Variants in CNTN3 observed in about 807,000 individuals in gnomAD.
The protein encoded by CNTN3 is contactin-3.
Under a neutral mutation model 119.1 loss-of-function variants are expected in CNTN3, and 60 were observed. The ratio of observed to expected loss-of-function variants is 0.50; its 90% CI spans 0.41 to 0.62. The LOEUF (loss-of-function observed/expected upper bound fraction) is 0.62. Among genes scored for constraint, CNTN3 ranks in the 20% least tolerant of loss-of-function variants. The pLI, the probability that CNTN3 is intolerant of heterozygous loss-of-function variation, is 0.00. For synonymous variants in CNTN3, 450 were observed against 438.7 expected, an observed-to-expected ratio of 1.03 and a Z score of -0.32; for missense variants, 1,101 against 1,242.4, an observed-to-expected ratio of 0.89 and a Z score of 1.71.
intron 13 of CNTN3, among the ~76,000 whole-genome samples, chr3:74,329,267 T>C (rs192328910): frequency 2.0e-5 from 3 of 152,282 alleles, no homozygotes; most frequent in East Asian, 1.9e-4. Context: ...ATAAATCATA[T>C]TGAAGTGAGC....
At chr3:74,293,400 A>G (rs1702274318) in intron 19 of CNTN3, among the ~76,000 whole-genome samples, 1 of 152,232 alleles carries the variant, frequency 6.6e-6, no homozygotes, top group Admixed American at 6.5e-5. Flanking sequence ...AAAGAAGGGC[A>G]AGGTTACATT....
At chr3:74,520,491 C>T (rs1229404251) in intron 2 of CNTN3, among the ~76,000 whole-genome samples, 1 of 151,220 alleles carries the variant, frequency 6.6e-6, no homozygotes, top group African/African-American at 2.4e-5. Flanking sequence ...ATAAAATTAA[C>T]AAAAGAAAAT....
chr3:74,603,282 G>T (rs1704940734), intron 1 of CNTN3, among the ~76,000 whole-genome samples: 1 of 152,168 alleles, frequency 6.6e-6, no homozygotes, highest in Non-Finnish European at 1.5e-5. Flanking sequence ...TCCCAGTGGG[G>T]AGTGAAGATG....
At chr3:74,498,132 A>T (rs186244310) in intron 3 of CNTN3, among the ~76,000 whole-genome samples, 31 of 151,976 alleles carry the variant, frequency 2.0e-4, no homozygotes, top group Admixed American at 1.6e-3. Flanking sequence ...CAACAGAAAA[A>T]CAGCCCACAC....
At chr3:74,391,711 C>T (rs552610815) in intron 5 of CNTN3, among the ~76,000 whole-genome samples, 4 of 151,944 alleles carry the variant, frequency 2.6e-5, no homozygotes, top group South Asian at 2.1e-4. Flanking sequence ...GGACTACATT[C>T]GTGTGCCACC....
chr3:74,567,156 T>C (rs1704238985), intron 1 of CNTN3, among the ~76,000 whole-genome samples: 1 of 151,908 alleles, frequency 6.6e-6, no homozygotes, highest in African/African-American at 2.4e-5. Flanking sequence ...TTTTTTAATT[T>C]ATTTGAGACA....
intron 11 of CNTN3, among the ~76,000 whole-genome samples, chr3:74,352,293 C>T (rs1703833418): frequency 6.6e-6 from 1 of 152,310 alleles, no homozygotes; most frequent in South Asian, 2.1e-4. Context: ...CATGGAGCTG[C>T]TCTCCTGCTT....
chr3:74,439,298 G>T (rs1701922003), intron 4 of CNTN3, among the ~76,000 whole-genome samples: 1 of 152,246 alleles, frequency 6.6e-6, no homozygotes, highest in South Asian at 2.1e-4. Flanking sequence ...CTTGAGGCCA[G>T]GAGTTCGAGA....
intron 1 of CNTN3, among the ~76,000 whole-genome samples, chr3:74,523,640 A>G (rs527267706): frequency 6.6e-6 from 1 of 152,028 alleles, no homozygotes; most frequent in African/African-American, 2.4e-5. Flanking sequence ...GTAGTTGGGA[A>G]TTTCAGGAAA....
intron 3 of CNTN3, 23 bp from the exon 4 acceptor site, chr3:74,486,654 C>CT (rs1233126747): frequency 6.8e-7 from 1 of 1,472,406 alleles, no homozygotes; most frequent in Non-Finnish European, 9.0e-7. Flanking sequence ...TATCAAGGTT[C>CT]CCCCCCCTTA....
At chr3:74,555,274 T>C (rs1298045752) in intron 1 of CNTN3, among the ~76,000 whole-genome samples, 1 of 152,198 alleles carries the variant, frequency 6.6e-6, no homozygotes, top group African/African-American at 2.4e-5. Flanking sequence ...GACTTGATCG[T>C]AGTGGATAAC....
chr3:74,464,220 T>C (rs574317197), intron 4 of CNTN3, among the ~76,000 whole-genome samples: 90 of 152,268 alleles, frequency 5.9e-4, no homozygotes, highest in Non-Finnish European at 1.1e-3. Context: ...GCTTGGTCCA[T>C]AATAATTGCT....
At chr3:74,588,460 A>G (rs1318111354) in intron 1 of CNTN3, among the ~76,000 whole-genome samples, 1 of 152,100 alleles carries the variant, frequency 6.6e-6, no homozygotes, top group Non-Finnish European at 1.5e-5. Context: ...AAAAGAGGAT[A>G]CAAACAAATG....
intron 13 of CNTN3, among the ~76,000 whole-genome samples, chr3:74,312,895 T>A (rs1056423701): frequency 1.3e-5 from 2 of 151,938 alleles, no homozygotes; most frequent in Non-Finnish European, 2.9e-5. Flanking sequence ...ATTTTAAAAT[T>A]CTATGATTAA....
At chr3:74,464,597 C>G (rs1365753277) in intron 4 of CNTN3, among the ~76,000 whole-genome samples, 2 of 152,124 alleles carry the variant, frequency 1.3e-5, no homozygotes, top group African/African-American at 4.8e-5. Flanking sequence ...TTAGGAGCTA[C>G]TAAATCCAGT....
intron 5 of CNTN3, among the ~76,000 whole-genome samples, chr3:74,411,191 T>C (rs1281049291): frequency 7.0e-6 from 1 of 142,338 alleles, no homozygotes; most frequent in Non-Finnish European, 1.5e-5. Context: ...AATATTCATA[T>C]GGAAGAATAA....
At chr3:74,269,461 C>T (rs1162950043) in intron 20 of CNTN3, among the ~76,000 whole-genome samples, 7 of 152,046 alleles carry the variant, frequency 4.6e-5, no homozygotes, top group Admixed American at 2.0e-4. Flanking sequence ...ACTTAGTACA[C>T]GTCTATAATA....
At chr3:74,504,646 C>T (rs2107088752) in intron 2 of CNTN3, among the ~76,000 whole-genome samples, 1 of 152,246 alleles carries the variant, frequency 6.6e-6, no homozygotes, top group East Asian at 1.9e-4. Flanking sequence ...ACATGTGCCA[C>T]ATGTGAAAAA....
At chr3:74,579,430 A>G (rs1704468761) in intron 1 of CNTN3, among the ~76,000 whole-genome samples, 1 of 151,966 alleles carries the variant, frequency 6.6e-6, no homozygotes, top group Non-Finnish European at 1.5e-5. Context: ...TGTTCCTAAC[A>G]GGCATTTATG....
Sources: allele counts gnomAD v4.1 joint callset (sites outside exome capture counted in the v4.1 genomes callset), GRCh38; gene constraint gnomAD v4.1.1; transcripts MANE v1.5; gene names NCBI Gene and HGNC (gene_info 2026-07-23, HGNC 2026-07-21).